The following NOL4 variants were observed in gnomAD, a reference collection of about 807,000 sequenced individuals.
NOL4 encodes the protein nucleolar protein 4, also known as cancer/testis antigen 125.
A neutral mutation model predicts 75.9 loss-of-function variants in NOL4; 17 were observed. The ratio of observed to expected loss-of-function variants is 0.22; its 90% CI spans 0.15 to 0.34. The LOEUF (loss-of-function observed/expected upper bound fraction) is 0.34, where lower values mean the gene tolerates loss of function less well. NOL4 is among the 10% of genes least tolerant of loss of function. NOL4 has a pLI of 1.00. For missense variants in NOL4, 614 were observed against 793.5 expected (o/e 0.77, Z 2.72); for synonymous variants, 292 against 289.9 (o/e 1.01, Z -0.07).
intron 5 of NOL4, among the ~76,000 whole-genome samples, chr18:34,059,001 T>G (rs965197826): frequency 2.0e-5 from 3 of 151,608 alleles, no homozygotes; most frequent in African/African-American, 7.3e-5. Flanking sequence ...AAGGGGTCAT[T>G]GTAAAATGCA....
chr18:34,184,016 A>AT (rs1568428147), intron 1 of NOL4, among the ~76,000 whole-genome samples: 2 of 151,846 alleles, frequency 1.3e-5, no homozygotes, highest in Non-Finnish European at 2.9e-5. Context: ...AAAAAAATGC[A>AT]ACTGATAGGA....
chr18:33,973,825 T>A (rs1346697116), intron 6 of NOL4, among the ~76,000 whole-genome samples: 1 of 152,218 alleles, frequency 6.6e-6, no homozygotes, highest in African/African-American at 2.4e-5. Flanking sequence ...AGATGGGCTG[T>A]CATCTAGGCT....
intron 1 of NOL4, among the ~76,000 whole-genome samples, chr18:34,177,558 T>C (rs1463708820): frequency 6.6e-6 from 1 of 151,914 alleles, no homozygotes; most frequent in Non-Finnish European, 1.5e-5. Flanking sequence ...ATATCAGAAC[T>C]AGAAAATACA....
chr18:34,222,027 T>C, intron 1 of NOL4: 1 of 1,535,496 alleles, frequency 6.5e-7, no homozygotes, highest in Non-Finnish European at 8.7e-7. Flanking sequence ...CACCGTGGCA[T>C]GATGCAGAAA....
At chr18:34,187,160 A>G (rs9965090) in intron 1 of NOL4, among the ~76,000 whole-genome samples, 55 of 152,230 alleles carry the variant, frequency 3.6e-4, no homozygotes, top group African/African-American at 1.3e-3. Flanking sequence ...TTATTGCCCT[A>G]AAATTCCCTT....
chr18:34,129,790 A>T (rs368113167), intron 2 of NOL4, 81 bp downstream of exon 2: 11 of 1,253,994 alleles, frequency 8.8e-6, no homozygotes, highest in East Asian at 2.6e-5. Context: ...GAATATTTAT[A>T]ATTATCGAAC....
intron 10 of NOL4, among the ~76,000 whole-genome samples, chr18:33,861,957 G>A (rs546842398): frequency 5.7e-4 from 86 of 152,160 alleles, no homozygotes; most frequent in Non-Finnish European, 6.9e-4. Context: ...AGCCCACATC[G>A]CCAAGTCAAA....
intron 10 of NOL4, among the ~76,000 whole-genome samples, chr18:33,874,947 T>A (rs546206594): frequency 1.3e-5 from 2 of 152,062 alleles, no homozygotes; most frequent in East Asian, 3.9e-4. Context: ...AGGAAGCTAA[T>A]GAATGTTAAG....
At chr18:34,056,145 C>T (rs181521905) in intron 5 of NOL4, among the ~76,000 whole-genome samples, 4 of 152,102 alleles carry the variant, frequency 2.6e-5, no homozygotes, top group African/African-American at 9.6e-5. Flanking sequence ...GTTCTATATC[C>T]AAGGTTTTGT....
chr18:33,870,271 T>G (rs1193241008), intron 10 of NOL4, among the ~76,000 whole-genome samples: 1 of 152,032 alleles, frequency 6.6e-6, no homozygotes, highest in Admixed American at 6.6e-5. Flanking sequence ...ATGATCTCAC[T>G]CATATGTGGA....
At chr18:33,911,673 G>A (rs555276255) in intron 9 of NOL4, among the ~76,000 whole-genome samples, 2 of 151,892 alleles carry the variant, frequency 1.3e-5, no homozygotes, top group Non-Finnish European at 2.9e-5. Context: ...ACTATGTCTT[G>A]CTTCTGATAT....
intron 1 of NOL4, among the ~76,000 whole-genome samples, chr18:34,153,437 G>A (rs993672379): frequency 6.6e-6 from 1 of 151,852 alleles, no homozygotes; most frequent in Non-Finnish European, 1.5e-5. Context: ...ATGTACTCCA[G>A]ACTGCTAAAC....
intron 1 of NOL4, among the ~76,000 whole-genome samples, chr18:34,200,713 A>T (rs1442215251): frequency 1.3e-5 from 2 of 151,792 alleles, no homozygotes; most frequent in Non-Finnish European, 3.0e-5. Flanking sequence ...TCACTGCGGT[A>T]CCAAAAGTCA....
chr18:34,092,160 C>T (rs574127230), intron 5 of NOL4, among the ~76,000 whole-genome samples: 34 of 151,500 alleles, frequency 2.2e-4, no homozygotes, highest in African/African-American at 7.8e-4. Flanking sequence ...ATTTCAGTTA[C>T]TCTATGATCT....
chr18:34,101,828 T>G (rs940848817), intron 4 of NOL4, among the ~76,000 whole-genome samples: 3 of 152,014 alleles, frequency 2.0e-5, no homozygotes, highest in Admixed American at 6.6e-5. Flanking sequence ...TCAGATCACA[T>G]GACTTCTCTG....
intron 1 of NOL4, among the ~76,000 whole-genome samples, chr18:34,138,014 A>G (rs1461233684): frequency 1.3e-5 from 2 of 152,170 alleles, no homozygotes; most frequent in Non-Finnish European, 2.9e-5. Flanking sequence ...TCATCCATGG[A>G]TAAACCTTGA....
At position 34,084,265 on chromosome 18, in the gene NOL4, G is replaced by A. The variant is rs534555028; in HGVS notation, c.772+9200C>T. Among the ~76,000 whole-genome samples, 98 of 152,234 alleles carry A rather than the reference G, an allele frequency of 6.4e-4. No homozygotes were observed. In the South Asian group the frequency reaches 7.7e-3, roughly 12 times the overall value. ...CCTGACTCTCCAGAGCTAGCAGACA[G>A]GAAAGACTAGGGCTGCTGATCCAAG... On this transcript the variant is annotated intron_variant, in intron 5 of 10. Coordinates refer to ENST00000261592, the MANE Select transcript of NOL4 (RefSeq NM_003787.5).
chr18:33,958,260 G>A lies in NOL4; in HGVS notation c.1215C>T (p.Ala405=), dbSNP rs145804474. ...TCACATTAAAAGCTTTCAGCCGCTC[G>A]GCTTCAACGCCGTCTGTCTCATTAA... ...EKVNETDGVE[A]ERLKAFNMFV... is the part of the protein sequence containing the mutation. The change falls in exon 7 of 11, where the codon GCC becomes GCT. Residue 405 remains alanine, a synonymous_variant. Transcript: ENST00000261592. 2.3e-3 allele frequency: 3,779 copies of A among 1,613,226 alleles called. 10 individuals are homozygous for A. Among genetic ancestry groups the A allele is most frequent in the South Asian group, 3.1e-3 (284 of 90,994 alleles).
chr18:34,184,658 G>A (rs2034317692), intron 1 of NOL4, among the ~76,000 whole-genome samples: 1 of 152,034 alleles, frequency 6.6e-6, no homozygotes, highest in Non-Finnish European at 1.5e-5. Flanking sequence ...AGTTCCAAAG[G>A]TGATATGGAA....
Sources: gnomAD v4.1 joint callset for allele counts (sites outside exome capture counted in the v4.1 genomes callset) on GRCh38, gnomAD v4.1.1 for gene constraint, MANE v1.5 for transcripts, NCBI Gene and HGNC (gene_info 2026-07-23, HGNC 2026-07-21) for gene names.